The following SLC17A5 variants were observed in gnomAD, a reference collection of about 807,000 sequenced individuals.
SLC17A5 encodes solute carrier family 17 member 5.
SLC17A5 carries 47 observed loss-of-function variants against 59.4 expected under a neutral mutation model. The observed-to-expected ratio is 0.79, with a 90% confidence interval of 0.63 to 1.01. The LOEUF (loss-of-function observed/expected upper bound fraction) is 1.01, where lower values mean the gene tolerates loss of function less well. SLC17A5 is among the 50% of genes least tolerant of loss of function. SLC17A5 has a pLI of 0.00. For missense variants in SLC17A5, 522 were observed against 595.5 expected, an observed-to-expected ratio of 0.88 and a Z score of 1.28; for synonymous variants, 202 against 210.7, an observed-to-expected ratio of 0.96 and a Z score of 0.36.
At chr6:73,649,000 A>ATT (rs369753367) in intron 1 of SLC17A5, among the ~76,000 whole-genome samples, 15,395 of 145,104 alleles carry the variant, frequency 0.11, 981 homozygotes, top group Middle Eastern at 0.18. Flanking sequence ...ATAATATATA[A>ATT]TTTTTTTTTT....
chr6:73,612,452 C>A (rs1313790265), intron 8 of SLC17A5, among the ~76,000 whole-genome samples: 2 of 152,170 alleles, frequency 1.3e-5, no homozygotes, highest in African/African-American at 4.8e-5. Context: ...AGCCACCGAG[C>A]CCAGCCAGGG....
Position 73,615,215 on chromosome 6 carries a change from G to A in SLC17A5, c.1111+100C>T, listed in dbSNP as rs562438746. The A allele has an allele frequency of 6.2e-6, 8 of 1,298,742 alleles. No homozygotes were observed. The South Asian group carries it at 9.6e-5, about 16-fold the overall frequency. The allele number at this position is 1,298,742 out of a possible 1,614,324, so 80.5% of individuals were successfully genotyped here. ...TTCTGTGTTGAGTATTGTGTTAACT[G>A]TGTGTAAAAGTGGGAAACACACTTT... On this transcript the variant is annotated intron_variant, in intron 8 of 10. Coordinates refer to ENST00000355773, the MANE Select transcript of SLC17A5 (RefSeq NM_012434.5).
chr6:73,621,024 A>G (rs2150098434), intron 7 of SLC17A5, among the ~76,000 whole-genome samples: 1 of 120,498 alleles, frequency 8.3e-6, no homozygotes, highest in South Asian at 2.5e-4. Flanking sequence ...TTATTTTTTG[A>G]GATGGAGTTT....
intron 9 of SLC17A5, among the ~76,000 whole-genome samples, chr6:73,608,204 C>G (rs1244291529): frequency 6.6e-6 from 1 of 152,162 alleles, no homozygotes; most frequent in East Asian, 1.9e-4. Context: ...GGCACTGACC[C>G]TTTGACTTCT....
intron 4 of SLC17A5, 44 bp downstream of exon 4, chr6:73,638,368 T>C (rs767795763): frequency 7.1e-6 from 10 of 1,414,564 alleles, no homozygotes; most frequent in Non-Finnish European, 9.0e-6. Context: ...AAGGTTGATA[T>C]ATACATAACA....
At chr6:73,629,797 G>A (rs1382430391) in intron 6 of SLC17A5, among the ~76,000 whole-genome samples, 1 of 151,818 alleles carries the variant, frequency 6.6e-6, no homozygotes, top group Non-Finnish European at 1.5e-5. Context: ...AAAACAAGAA[G>A]AAAGAAAAGA....
At chr6:73,600,470 T>C in intron 9 of SLC17A5, 29 bp from the exon 10 acceptor site, 2 of 1,528,808 alleles carry the variant, frequency 1.3e-6, no homozygotes, top group Non-Finnish European at 9.1e-7. Context: ...AGACGTTTAT[T>C]ATTGTGATAC....
intron 7 of SLC17A5, chr6:73,618,277 A>G (rs908588040): frequency 7.9e-5 from 9 of 113,296 alleles, no homozygotes; most frequent in Non-Finnish European, 1.5e-4. Flanking sequence ...ATAAAATAAA[A>G]TAAAATAAAA....
At chr6:73,645,457 G>C in intron 1 of SLC17A5, 1 of 985,234 alleles carries the variant, frequency 1.0e-6, no homozygotes, top group Non-Finnish European at 1.2e-6. Flanking sequence ...AGGGCTCACA[G>C]TAAAAAGGGA....
chr6:73,653,604 G>A, intron 1 of SLC17A5, 189 bp downstream of exon 1: 2 of 614,524 alleles, frequency 3.3e-6, no homozygotes, highest in Non-Finnish European at 4.1e-6. Flanking sequence ...TTCCCGAGGG[G>A]CTTCTGCGCA....
chr6:73,648,401 T>C (rs1769684090), intron 1 of SLC17A5, among the ~76,000 whole-genome samples: 1 of 152,262 alleles, frequency 6.6e-6, no homozygotes, highest in South Asian at 2.1e-4. Flanking sequence ...AAATGTGTTT[T>C]AAACTTAGGA....
At chr6:73,622,967 C>A (rs945182230) in intron 6 of SLC17A5, among the ~76,000 whole-genome samples, 1 of 152,266 alleles carries the variant, frequency 6.6e-6, no homozygotes, top group South Asian at 2.1e-4. Context: ...TCCCCCAATT[C>A]AGAGAGGTTA....
At chr6:73,648,192 C>T (rs1272861991) in intron 1 of SLC17A5, among the ~76,000 whole-genome samples, 1 of 152,092 alleles carries the variant, frequency 6.6e-6, no homozygotes, top group Non-Finnish European at 1.5e-5. Context: ...CAAATATATT[C>T]AATCAGAAAA....
chr6:73,616,607 CTT>C (rs767486363), intron 7 of SLC17A5, among the ~76,000 whole-genome samples: 7 of 138,708 alleles, frequency 5.0e-5, no homozygotes, highest in Admixed American at 7.3e-5. Flanking sequence ...ACTGGAGAGT[CTT>C]TTTTTTTTTT....
chr6:73,600,383 C>T lies in SLC17A5; in HGVS notation c.1318G>A (p.Gly440Arg), dbSNP rs755824824. 1.9e-6 allele frequency: 3 copies of T among 1,614,052 alleles called. No homozygotes were observed. The highest frequency in any genetic ancestry group is 2.5e-6 in the Non-Finnish European group (3 of 1,179,962). The change falls in exon 10 of 11, where the codon GGG becomes AGG. Residue 440 changes from glycine to arginine, a missense_variant. This residue lies in a region of SLC17A5 where 153 missense variants were observed against 168.5 expected (regional missense o/e 0.91). Coordinates refer to ENST00000355773, the MANE Select transcript of SLC17A5 (RefSeq NM_012434.5). The stretch of plus-strand genomic sequence containing the variant: ...GTCAGACTTTTAGCAATGACGGGCC[C>T]AACCATTCCTGGAATAGTGGCAAAT... ...NTFATIPGMV[G>R]PVIAKSLTPD...
In SLC17A5 at chr6:73,641,043, C is replaced by T. The variant is rs147636070; in HGVS notation, c.525+648G>A. Among the ~76,000 whole-genome samples, 140 of 152,226 alleles carry T rather than the reference C, an allele frequency of 9.2e-4. 1 individual carries two copies. The East Asian group carries it at 0.025, about 27-fold the overall frequency. ...GCATCAATGATAGAGCAGAGTTTAA[C>T]GGTGGCAAGAGCACAAGAGGTAAGG... On this transcript the variant is annotated intron_variant, in intron 3 of 10. Transcript: ENST00000355773.
In SLC17A5 at chr6:73,642,253, G is replaced by A. The variant is rs10455281; in HGVS notation, c.292-329C>T. On this transcript the variant is annotated intron_variant, in intron 2 of 10. Transcript: ENST00000355773. The stretch of plus-strand genomic sequence containing the variant: ...ACAAAAAAGGCTTGGGTATCTCTGA[G>A]CCTACTATGGCTCGGGAGGCTGCCG... Among the ~76,000 whole-genome samples, 33,361 of 152,182 alleles carry A rather than the reference G, an allele frequency of 0.22. 3,859 individuals are homozygous for A. Among genetic ancestry groups the A allele is most frequent in the Non-Finnish European group, 0.25 (16,945 of 68,018 alleles).
intron 1 of SLC17A5, among the ~76,000 whole-genome samples, chr6:73,649,342 C>T (rs1189325452): frequency 6.6e-6 from 1 of 152,206 alleles, no homozygotes; most frequent in East Asian, 1.9e-4. Flanking sequence ...GTGGCTCACA[C>T]TCGTAATCCC....
In SLC17A5 at chr6:73,641,935, C is replaced by G; in HGVS notation, c.292-11G>C. On this transcript the variant is annotated splice_polypyrimidine_tract_variant and intron_variant, in intron 2 of 10. Transcript: ENST00000355773. ...TTGGTACTTCTTACCCTACAAAAAT[C>G]AGAAAAGAATAAAACAATCCTTTAA... 1 of 1,608,408 alleles carries G rather than the reference C, an allele frequency of 6.2e-7. No homozygotes were observed. The highest frequency in any genetic ancestry group is 8.5e-7 in the Non-Finnish European group (1 of 1,174,802).
Sources: allele counts gnomAD v4.1 joint callset (sites outside exome capture counted in the v4.1 genomes callset), GRCh38; gene constraint gnomAD v4.1.1; regional missense constraint gnomAD v4.1.1; transcripts MANE v1.5; gene names NCBI Gene and HGNC (gene_info 2026-07-23, HGNC 2026-07-21).